Variants in TBC1D1 observed in about 807,000 individuals in gnomAD.
The protein encoded by TBC1D1 is TBC1 domain family member 1, also known as TBC1 (tre-2/USP6, BUB2, cdc16) domain family, member 1.
Under a neutral mutation model 125.6 loss-of-function variants are expected in TBC1D1, and 89 were observed. That is an observed-to-expected ratio of 0.71 (90% CI 0.60 to 0.85). The LOEUF is 0.85. Among genes scored for constraint, TBC1D1 ranks in the 40% least tolerant of loss-of-function variants. The pLI is 0.00. For missense variants in TBC1D1, 1,377 were observed against 1,469.2 expected (o/e 0.94, Z 1.03); for synonymous variants, 565 against 564.1 (o/e 1.00, Z -0.02).
rs1359315778 is a variant in TBC1D1 at position 37,977,054 on chromosome 4, A to T, written c.418-37455A>T. ...GGCTTTTGTGGAACCTCGGAGAGGG[A>T]GGAATTCTTAGATTTCTGAAAGTTG... On this transcript the variant is annotated intron_variant, in intron 2 of 19. Coordinates refer to ENST00000261439, the MANE Select transcript of TBC1D1 (RefSeq NM_015173.4). This position sits in a 1 kb window ranked among gnomAD's most constrained non-coding sequence, Gnocchi z 4.3. Among the ~76,000 whole-genome samples the T allele has an allele frequency of 6.6e-6, 1 of 152,066 alleles. No homozygotes were observed. Among genetic ancestry groups the T allele is most frequent in the Non-Finnish European group, 1.5e-5 (1 of 67,998 alleles).
intron 2 of TBC1D1, among the ~76,000 whole-genome samples, chr4:37,923,914 A>C (rs975643252): frequency 6.6e-6 from 1 of 152,098 alleles, no homozygotes; most frequent in East Asian, 1.9e-4. Flanking sequence ...TCCTGACATC[A>C]GCTGATCCAC....
chr4:38,018,454 A>G lies in TBC1D1; in HGVS notation c.972+11A>G. 6.5e-7 allele frequency: 1 copy of G among 1,540,942 alleles called. No homozygotes were observed. The highest frequency in any genetic ancestry group is 8.8e-7 in the Non-Finnish European group (1 of 1,131,308). ...TCCTTTTGCTCTCAGGTAAATGGAG[A>G]TGGGTTTTTTTATTCAATTGCAATG... On this transcript the variant is annotated intron_variant, in intron 4 of 19. Coordinates refer to ENST00000261439, the MANE Select transcript of TBC1D1 (RefSeq NM_015173.4).
At chr4:38,087,917 C>G (rs1389237480) in intron 12 of TBC1D1, among the ~76,000 whole-genome samples, 1 of 149,354 alleles carries the variant, frequency 6.7e-6, no homozygotes, top group Non-Finnish European at 1.5e-5. Context: ...CAGCGGGGCT[C>G]CCTTCTGTTG....
At chr4:38,076,626 C>T (rs533083661) in intron 12 of TBC1D1, among the ~76,000 whole-genome samples, 1 of 152,138 alleles carries the variant, frequency 6.6e-6, no homozygotes, top group South Asian at 2.1e-4. Flanking sequence ...TACATTTATT[C>T]ATAGAGTGAA....
intron 2 of TBC1D1, among the ~76,000 whole-genome samples, chr4:37,942,392 TC>T (rs1362628403): frequency 1.3e-5 from 2 of 152,052 alleles, no homozygotes; most frequent in African/African-American, 2.4e-5. Context: ...TCTTCCTCCA[TC>T]CCTTTATTTT....
chr4:38,065,245 C>T (rs1231460309), intron 12 of TBC1D1, among the ~76,000 whole-genome samples: 1 of 152,134 alleles, frequency 6.6e-6, no homozygotes, highest in Non-Finnish European at 1.5e-5. Context: ...ACTGCACCCA[C>T]CCAGCCCGTA....
chr4:38,007,498 C>A (rs536132416), intron 2 of TBC1D1, among the ~76,000 whole-genome samples: 1 of 152,030 alleles, frequency 6.6e-6, no homozygotes, highest in African/African-American at 2.4e-5. Context: ...AATGATCCAC[C>A]CACCTCAGCC....
chr4:38,018,392 C>CA lies in TBC1D1; in HGVS notation c.928dup (p.Ile310AsnfsTer8), dbSNP rs760298745. 8 of 1,610,664 alleles carry CA rather than the reference C, an allele frequency of 5.0e-6. No individual in the cohort carries two copies. Among genetic ancestry groups the CA allele is most frequent in the African/African-American group, 1.3e-5 (1 of 74,544 alleles). ...AAGTTTACCTCATCAGTCCTGACAC[C>CA]AAAAAAATAGCATTGGAGAAAAATT... On this transcript the variant is annotated frameshift_variant, in exon 4 of 20. Transcript: ENST00000261439. LOFTEE classifies it high-confidence loss of function.
chr4:38,015,953 T>C (rs1318942678), intron 3 of TBC1D1, among the ~76,000 whole-genome samples: 1 of 152,214 alleles, frequency 6.6e-6, no homozygotes, highest in Non-Finnish European at 1.5e-5. Context: ...TGCTTTAATT[T>C]GTGATCTGCA....
intron 10 of TBC1D1, among the ~76,000 whole-genome samples, chr4:38,047,035 AAC>A (rs1749623949): frequency 6.6e-6 from 1 of 152,230 alleles, no homozygotes; most frequent in South Asian, 2.1e-4. Context: ...GTAGTTCACA[AAC>A]ACACATACCT....
chr4:37,921,028 C>T (rs1720841028), intron 2 of TBC1D1, among the ~76,000 whole-genome samples: 1 of 145,242 alleles, frequency 6.9e-6, no homozygotes, highest in Non-Finnish European at 1.5e-5. Context: ...GAGAATGGCG[C>T]GAACCCAGGA....
chr4:38,093,096 C>A (rs1477772584), intron 13 of TBC1D1, among the ~76,000 whole-genome samples: 1 of 152,106 alleles, frequency 6.6e-6, no homozygotes, highest in Non-Finnish European at 1.5e-5. Flanking sequence ...TATTTGAGGA[C>A]CTGCTGTACT....
chr4:38,124,403 C>T (rs1294658681), intron 17 of TBC1D1, among the ~76,000 whole-genome samples: 1 of 152,198 alleles, frequency 6.6e-6, no homozygotes, highest in African/African-American at 2.4e-5. Flanking sequence ...TGACAGAGTT[C>T]TTGAACTCCT....
chr4:38,134,289 C>T (rs963920712), intron 19 of TBC1D1, among the ~76,000 whole-genome samples: 1 of 152,160 alleles, frequency 6.6e-6, no homozygotes, highest in Non-Finnish European at 1.5e-5. Flanking sequence ...GCATTCCTCC[C>T]AGCGGGCATT....
intron 2 of TBC1D1, among the ~76,000 whole-genome samples, chr4:37,992,493 G>GTTT (rs1006353203): frequency 8.8e-5 from 11 of 125,514 alleles, no homozygotes; most frequent in East Asian, 2.2e-4. Flanking sequence ...GAAGTCTGGT[G>GTTT]TTTTTTTTTT....
rs1762879868 is a variant in TBC1D1 at position 38,115,738 on chromosome 4, C to T, written c.2586C>T (p.Phe862=). The T allele has an allele frequency of 6.2e-7, 1 of 1,614,030 alleles. No individual in the cohort carries two copies. Among genetic ancestry groups the T allele is most frequent in the Non-Finnish European group, 8.5e-7 (1 of 1,180,004 alleles). ...GAACCTTTCCTACACACCCATACTTCTCTGCCCAGCTTGGAGCAGGACAGC... is the reference window on the plus strand; with the variant it reads ...GAACCTTTCCTACACACCCATACTTTTCTGCCCAGCTTGGAGCAGGACAGC... Residue 862 remains phenylalanine (F), a synonymous_variant, in exon 16 of 20, where the codon TTC becomes TTT. Transcript: ENST00000261439.
chr4:37,898,594 T>C (rs902031053), intron 1 of TBC1D1, among the ~76,000 whole-genome samples: 1 of 152,208 alleles, frequency 6.6e-6, no homozygotes, highest in Non-Finnish European at 1.5e-5. Flanking sequence ...CAGCTGCCTT[T>C]CCTGTAACCC....
At chr4:37,914,150 A>G (rs904906150) in intron 2 of TBC1D1, among the ~76,000 whole-genome samples, 6 of 152,178 alleles carry the variant, frequency 3.9e-5, no homozygotes, top group African/African-American at 1.2e-4. Context: ...GAACTCATCC[A>G]GTCTTACAGT....
At position 37,906,728 on chromosome 4, in the gene TBC1D1, T is replaced by C. The variant is rs920216977; in HGVS notation, c.417+4216T>C. Among the ~76,000 whole-genome samples the C allele has an allele frequency of 2.0e-5, 3 of 152,210 alleles. No homozygotes were observed. The South Asian group carries it at 6.2e-4, about 32-fold the overall frequency. The stretch of plus-strand genomic sequence containing the variant: ...TTTATTTGGTGCCAAAAAATGGAAA[T>C]CCATGCATAGTTTTTAAATAATATG... On this transcript the variant is annotated intron_variant, in intron 2 of 19. Transcript: ENST00000261439.
Sources: gnomAD v4.1 joint callset for allele counts (sites outside exome capture counted in the v4.1 genomes callset) on GRCh38, gnomAD v4.1.1 for gene constraint, Gnocchi (gnomAD v3.1) non-coding constraint, MANE v1.5 for transcripts, NCBI Gene and HGNC (gene_info 2026-07-23, HGNC 2026-07-21) for gene names.